The following DLC1 variants were observed in gnomAD, a reference collection of about 807,000 sequenced individuals.
DLC1 encodes the protein DLC1 Rho GTPase activating protein.
Under a neutral mutation model 140.3 loss-of-function variants are expected in DLC1, and 54 were observed. The ratio of observed to expected loss-of-function variants is 0.38; its 90% confidence interval spans 0.31 to 0.48. The LOEUF (loss-of-function observed/expected upper bound fraction) is 0.48. Ranked by LOEUF, DLC1 falls within the 20% of genes least tolerant of loss-of-function variation. The probability of loss-of-function intolerance (pLI) is 0.96; values close to 1 mark genes in which losing one functional copy is unlikely to be tolerated. For synonymous variants in DLC1, 986 were observed against 728.1 expected (o/e 1.35, Z -5.70); for missense variants, 2,536 against 1,907.0 (o/e 1.33, Z -6.14).
chr8:13,495,430 G>A (rs1235884744), intron 2 of DLC1, among the ~76,000 whole-genome samples: 2 of 151,974 alleles, frequency 1.3e-5, no homozygotes, highest in African/African-American at 2.4e-5. Flanking sequence ...GACCAGCCAG[G>A]CCCTGAGTGC....
At chr8:13,180,570 A>G (rs1225108276) in intron 5 of DLC1, among the ~76,000 whole-genome samples, 1 of 152,106 alleles carries the variant, frequency 6.6e-6, no homozygotes, top group Admixed American at 6.6e-5. Context: ...TTTGGCAATA[A>G]CTTTCACCGA....
intron 8 of DLC1, 72 bp from the exon 9 acceptor site, chr8:13,100,842 G>GCCTC: frequency 2.7e-6 from 4 of 1,454,902 alleles, no homozygotes; most frequent in Non-Finnish European, 3.7e-6. Context: ...TGAGCAGGAG[G>GCCTC]CTGCTCATAA....
At chr8:13,396,006 A>G (rs1311922737) in intron 3 of DLC1, among the ~76,000 whole-genome samples, 1 of 151,070 alleles carries the variant, frequency 6.6e-6, no homozygotes, top group Non-Finnish European at 1.5e-5. Context: ...TTTATAAGCC[A>G]TTTATATTTG....
intron 2 of DLC1, among the ~76,000 whole-genome samples, chr8:13,428,964 C>G (rs75897220): frequency 6.6e-6 from 1 of 152,096 alleles, no homozygotes; most frequent in Non-Finnish European, 1.5e-5. Context: ...AAATAAGTTC[C>G]GTAGAATCAT....
At chr8:13,535,398 A>G (rs1803243670) in intron 1 of DLC1, among the ~76,000 whole-genome samples, 1 of 152,144 alleles carries the variant, frequency 6.6e-6, no homozygotes, top group Non-Finnish European at 1.5e-5. Context: ...TCTTCCTGCA[A>G]CTTACGATTA....
intron 5 of DLC1, chr8:13,132,909 G>T: frequency 4.4e-6 from 7 of 1,574,364 alleles, no homozygotes; most frequent in Non-Finnish European, 6.0e-6. Flanking sequence ...CCGCTCCCGC[G>T]GCCAGCCCGA....
chr8:13,381,547 T>C (rs1345885722), intron 4 of DLC1, among the ~76,000 whole-genome samples: 1 of 152,210 alleles, frequency 6.6e-6, no homozygotes, highest in Non-Finnish European at 1.5e-5. Context: ...GCAGTCTCTG[T>C]CGTTGTCTCT....
rs1267972684 is a variant in DLC1, at chr8:13,128,759, C to CGGGAGGCGGAGCTTGCA, written c.1349-13119_1349-13103dup. 2.6e-5 allele frequency among the ~76,000 whole-genome samples: 4 copies of CGGGAGGCGGAGCTTGCA among 151,502 alleles called. No homozygotes were observed. The East Asian group carries it at 7.8e-4, about 29-fold the overall frequency. On this transcript the variant is annotated intron_variant, in intron 5 of 17. Transcript: ENST00000276297. ...CTGGGGCAGGAGAATGGCGTGAACC[C>CGGGAGGCGGAGCTTGCA]GGGAGGCGGAGCTTGCAGTGAGCCA...
chr8:13,102,748 C>T (rs1400981409), intron 8 of DLC1, 42 bp downstream of exon 8: 1 of 1,547,214 alleles, frequency 6.5e-7, no homozygotes, highest in South Asian at 1.1e-5. Flanking sequence ...TTTTTGTTTG[C>T]CCCTTTTCCC....
At chr8:13,155,721 G>A (rs990589192) in intron 5 of DLC1, among the ~76,000 whole-genome samples, 1 of 152,030 alleles carries the variant, frequency 6.6e-6, no homozygotes, top group Admixed American at 6.6e-5. Flanking sequence ...GAGGTCTCCT[G>A]CTAAATATTA....
intron 1 of DLC1, among the ~76,000 whole-genome samples, chr8:13,530,053 G>A (rs912724770): frequency 2.0e-5 from 3 of 152,144 alleles, no homozygotes. Flanking sequence ...CTAATTTAGA[G>A]CAAGGGGCAC....
chr8:13,276,372 G>C, intron 5 of DLC1: 5 of 1,518,732 alleles, frequency 3.3e-6, no homozygotes, highest in Non-Finnish European at 4.4e-6. Flanking sequence ...CAGGGGGCGC[G>C]CCATCACGTG....
chr8:13,144,673 G>A (rs1823286097), intron 5 of DLC1, among the ~76,000 whole-genome samples: 1 of 152,196 alleles, frequency 6.6e-6, no homozygotes, highest in Non-Finnish European at 1.5e-5. Flanking sequence ...GCTGAGGCAG[G>A]AGAATGGTGT....
At chr8:13,485,745 G>T (rs972505792) in intron 2 of DLC1, among the ~76,000 whole-genome samples, 11 of 152,250 alleles carry the variant, frequency 7.2e-5, no homozygotes, top group Non-Finnish European at 1.2e-4. Context: ...CAATGGCCAG[G>T]CTTGAAGATT....
At chr8:13,151,017 G>A (rs543166186) in intron 5 of DLC1, among the ~76,000 whole-genome samples, 37 of 152,292 alleles carry the variant, frequency 2.4e-4, no homozygotes, top group African/African-American at 8.2e-4. Context: ...GATGGAACAG[G>A]GTAGTTGGGA....
chr8:13,297,282 T>TAAAAAAAAAAAAAAAAAAACAAAAAA (rs60048506), intron 5 of DLC1, among the ~76,000 whole-genome samples: 1 of 9,636 alleles, frequency 1.0e-4, no homozygotes, highest in Non-Finnish European at 1.8e-4. Context: ...CTTCATACAT[T>TAAAAAAAAAAAAAAAAAAACAAAAAA]AAAAAAAAAA....
intron 5 of DLC1, among the ~76,000 whole-genome samples, chr8:13,163,499 C>G (rs2116886141): frequency 6.6e-6 from 1 of 152,196 alleles, no homozygotes; most frequent in African/African-American, 2.4e-5. Flanking sequence ...TTAGGCAGCT[C>G]AACGAAGTGC....
chr8:13,101,837 G>A lies in DLC1; in HGVS notation c.1566+953C>T, dbSNP rs572210196. 3.9e-5 allele frequency among the ~76,000 whole-genome samples: 6 copies of A among 152,276 alleles called. 1 individual carries two copies. Among genetic ancestry groups the A allele is most frequent in the African/African-American group, 1.2e-4 (5 of 41,564 alleles). The stretch of plus-strand genomic sequence containing the variant: ...GCCCGATTTATGTACAGGACTCAGG[G>A]ATAAGCTGTCACACGGACTATTGCA... On this transcript the variant is annotated intron_variant, in intron 8 of 17. Transcript: ENST00000276297.
Position 13,123,600 on chromosome 8 carries a change from G to T in DLC1, c.1349-7943C>A, listed in dbSNP as rs541051967. ...TGACCTCAAGTGATCTGCCTGCCTC[G>T]GCCTCCCTCCCAAAGTGTGGGATGA... On this transcript the variant is annotated intron_variant, in intron 5 of 17. Transcript: ENST00000276297. 4.6e-5 allele frequency among the ~76,000 whole-genome samples: 7 copies of T among 151,542 alleles called. No individual in the cohort carries two copies. The East Asian group carries it at 1.4e-3, about 29-fold the overall frequency.
Sources: gnomAD v4.1 joint callset for allele counts (sites outside exome capture counted in the v4.1 genomes callset) on GRCh38, gnomAD v4.1.1 for gene constraint, MANE v1.5 for transcripts, NCBI Gene and HGNC (gene_info 2026-07-23, HGNC 2026-07-21) for gene names.